The following MAST2 variants were observed in gnomAD, a reference collection of about 807,000 sequenced individuals.
The protein encoded by MAST2 is microtubule associated serine/threonine kinase 2.
In MAST2, 70 loss-of-function variants were observed where a neutral mutation model predicts 147.4. The observed-to-expected ratio is 0.47, with a 90% confidence interval of 0.39 to 0.58. The LOEUF is 0.58. Among genes scored for constraint, MAST2 ranks in the 20% least tolerant of loss-of-function variants. The probability of loss-of-function intolerance (pLI) is 0.00; values close to 1 mark genes in which losing one functional copy is unlikely to be tolerated. For missense variants in MAST2, 2,080 were observed against 2,302.3 expected, an observed-to-expected ratio of 0.90 and a Z score of 1.98; for synonymous variants, 869 against 896.8, an observed-to-expected ratio of 0.97 and a Z score of 0.55.
At position 46,002,805 on chromosome 1, in the gene MAST2, G is replaced by A. The variant is rs2149192739; in HGVS notation, c.669G>A (p.Arg223=). Residue 223 remains arginine, a splice_region_variant and synonymous_variant, in exon 7 of 29, where the codon AGG becomes AGA. Coordinates refer to ENST00000361297, the MANE Select transcript of MAST2 (RefSeq NM_015112.3). ...GCCTAATACTTTTTCTTGCATACAG[G>A]ACTGATGGGCGGCGCTGGTCTTTGG... is the stretch of plus-strand genomic sequence containing the variant. ...PAHFSFVPAR[R]TDGRRWSLAS... is the part of the protein sequence containing the mutation. The A allele has an allele frequency of 6.2e-7, 1 of 1,614,130 alleles. No homozygotes were observed. The highest frequency in any genetic ancestry group is 1.1e-5 in the South Asian group (1 of 91,080).
At chr1:45,838,306 G>A (rs1045162008) in intron 3 of MAST2, among the ~76,000 whole-genome samples, 7 of 140,670 alleles carry the variant, frequency 5.0e-5, no homozygotes, top group South Asian at 2.3e-4. Context: ...TGCAACCTCC[G>A]CCTCCTGGGT....
intron 3 of MAST2, among the ~76,000 whole-genome samples, chr1:45,830,781 GA>G (rs1644931833): frequency 6.6e-6 from 1 of 151,150 alleles, no homozygotes. Flanking sequence ...CCTGCACTCT[GA>G]GAGTCTGAGG....
chr1:45,906,420 G>A, intron 4 of MAST2, among the ~76,000 whole-genome samples: 1 of 151,768 alleles, frequency 6.6e-6, no homozygotes, highest in East Asian at 1.9e-4. Context: ...ATAGCCTGCA[G>A]ATGTAGAGAA....
chr1:46,017,993 A>G (rs913459043), intron 10 of MAST2, among the ~76,000 whole-genome samples: 5 of 152,116 alleles, frequency 3.3e-5, no homozygotes, highest in African/African-American at 1.2e-4. Context: ...TGTTCAGGCA[A>G]AATTCACCAA....
At chr1:45,867,012 A>G (rs1449948017) in intron 3 of MAST2, among the ~76,000 whole-genome samples, 3 of 152,064 alleles carry the variant, frequency 2.0e-5, no homozygotes, top group Non-Finnish European at 4.4e-5. Context: ...CGGCCTCCCA[A>G]TTGCTGGGAT....
At position 45,928,307 on chromosome 1, in the gene MAST2, C is replaced by G. The variant is rs542310826; in HGVS notation, c.501-31079C>G. 3.3e-4 allele frequency among the ~76,000 whole-genome samples: 50 copies of G among 152,250 alleles called. No individual in the cohort carries two copies. The South Asian group carries it at 0.01, about 32-fold the overall frequency. The stretch of plus-strand genomic sequence containing the variant: ...GAAAAATGTAATCACAGTATTATTA[C>G]CACACCTAAAACAATAGTTTATCAA... On this transcript the variant is annotated intron_variant, in intron 4 of 28. Coordinates refer to ENST00000361297, the MANE Select transcript of MAST2 (RefSeq NM_015112.3).
At chr1:45,842,371 C>T (rs912425731) in intron 3 of MAST2, among the ~76,000 whole-genome samples, 1 of 152,150 alleles carries the variant, frequency 6.6e-6, no homozygotes, top group Non-Finnish European at 1.5e-5. Context: ...GCATTTAGTA[C>T]TGGCAGATTT....
At chr1:45,821,885 CTTTTT>C in intron 1 of MAST2, among the ~76,000 whole-genome samples, 1 of 100,838 alleles carries the variant, frequency 9.9e-6, no homozygotes, top group South Asian at 3.7e-4. Context: ...TCACCTTCAC[CTTTTT>C]TTTTTTTTTT....
At chr1:45,924,584 G>C (rs1654057374) in intron 4 of MAST2, among the ~76,000 whole-genome samples, 1 of 152,162 alleles carries the variant, frequency 6.6e-6, no homozygotes, top group African/African-American at 2.4e-5. Context: ...ACTGCAGCCA[G>C]AGTCATGTCA....
At position 46,019,603 on chromosome 1, in the gene MAST2, A is replaced by G. The variant is rs187874613; in HGVS notation, c.1196A>G (p.Glu399Gly). ...CGCTTCTTTTCTCTATAGGCTCATG[A>G]GCGCTCAGAGAGCTCAGAAGTGGCT... ...NLEKLLQDAH[E>G]RSESSEVAFV... The change falls in exon 11 of 29, where the codon GAG becomes GGG. Residue 399 changes from glutamate to glycine, a missense_variant. Coordinates refer to ENST00000361297, the MANE Select transcript of MAST2 (RefSeq NM_015112.3). 19 of 1,613,888 alleles carry G rather than the reference A, an allele frequency of 1.2e-5. No individual in the cohort carries two copies. The Admixed American group carries it at 2.8e-4, about 24-fold the overall frequency.
intron 4 of MAST2, among the ~76,000 whole-genome samples, chr1:45,895,627 G>A (rs1021877939): frequency 6.6e-6 from 1 of 152,122 alleles, no homozygotes; most frequent in African/African-American, 2.4e-5. Flanking sequence ...ACATTTGGTG[G>A]AAGACTTCCA....
chr1:45,842,394 A>G (rs1645305120), intron 3 of MAST2, among the ~76,000 whole-genome samples: 1 of 152,212 alleles, frequency 6.6e-6, no homozygotes, highest in Non-Finnish European at 1.5e-5. Flanking sequence ...TTTTCACAAT[A>G]CAACTGCCAC....
chr1:45,964,215 A>G (rs191197917), intron 5 of MAST2, among the ~76,000 whole-genome samples: 3 of 152,124 alleles, frequency 2.0e-5, no homozygotes, highest in Admixed American at 6.5e-5. Flanking sequence ...TTGTATCAGG[A>G]TGATGCCGGC....
At chr1:46,021,516 G>T (rs1646178114) in intron 11 of MAST2, among the ~76,000 whole-genome samples, 1 of 152,196 alleles carries the variant, frequency 6.6e-6, no homozygotes, top group Non-Finnish European at 1.5e-5. Flanking sequence ...TAGCACATAG[G>T]AGGTGCCCAG....
chr1:45,963,318 G>C (rs1660706870), intron 5 of MAST2, among the ~76,000 whole-genome samples: 1 of 152,198 alleles, frequency 6.6e-6, no homozygotes, highest in Non-Finnish European at 1.5e-5. Flanking sequence ...CTGGTAGCTT[G>C]ATGGGGGTGG....
intron 4 of MAST2, among the ~76,000 whole-genome samples, chr1:45,936,092 G>A (rs139753833): frequency 6.6e-6 from 1 of 152,130 alleles, no homozygotes; most frequent in East Asian, 1.9e-4. Flanking sequence ...TTTAATTCTT[G>A]TTGTAGAGAT....
intron 1 of MAST2, among the ~76,000 whole-genome samples, chr1:45,809,896 G>T (rs1225828858): frequency 2.0e-5 from 3 of 152,164 alleles, no homozygotes; most frequent in Admixed American, 6.5e-5. Flanking sequence ...ATCTCATTTT[G>T]TTTCTGTAAC....
chr1:45,849,995 G>T (rs1319662774), intron 3 of MAST2, among the ~76,000 whole-genome samples: 1 of 152,198 alleles, frequency 6.6e-6, no homozygotes, highest in African/African-American at 2.4e-5. Flanking sequence ...TTGAATGGTA[G>T]TTCAGTTTTA....
At chr1:45,909,846 T>C (rs1651390812) in intron 4 of MAST2, among the ~76,000 whole-genome samples, 1 of 151,786 alleles carries the variant, frequency 6.6e-6, no homozygotes, top group Non-Finnish European at 1.5e-5. Flanking sequence ...ACAGTCTCGC[T>C]CTGTCGACCA....
Sources: allele counts gnomAD v4.1 joint callset (sites outside exome capture counted in the v4.1 genomes callset), GRCh38; gene constraint gnomAD v4.1.1; transcripts MANE v1.5; gene names NCBI Gene and HGNC (gene_info 2026-07-23, HGNC 2026-07-21).